USP42: variants seen among roughly 807,000 people sequenced by gnomAD.
The protein encoded by USP42 is ubiquitin carboxyl-terminal hydrolase 42.
Under a neutral mutation model 113.0 loss-of-function variants are expected in USP42, and 23 were observed. The ratio of observed to expected loss-of-function variants is 0.20; its 90% CI spans 0.15 to 0.29. USP42 has a LOEUF of 0.29. USP42 is among the 10% of genes least tolerant of loss of function. USP42 has a pLI of 1.00. For missense variants in USP42, 2,174 were observed against 1,779.8 expected, an observed-to-expected ratio of 1.22 and a Z score of -3.99; for synonymous variants, 933 against 699.0, an observed-to-expected ratio of 1.33 and a Z score of -5.28.
In USP42 at chr7:6,157,379, G is replaced by A. The variant is rs1562862611; in HGVS notation, c.3943+324G>A. ...GGACCAGAACTCTTGGTTTGGTTTG[G>A]TTTTATTTTATTTTATTTTATTTAT... On this transcript the variant is annotated intron_variant, in intron 16 of 17. Transcript: ENST00000306177. This position sits in a 1 kb window ranked among gnomAD's most constrained non-coding sequence, Gnocchi z 4.1. 2 of 1,023,794 alleles carry A rather than the reference G, an allele frequency of 2.0e-6. No individual in the cohort carries two copies. The highest frequency in any genetic ancestry group is 1.7e-5 in the African/African-American group (1 of 58,784). 63.4% of individuals were successfully genotyped at this position (1,023,794 alleles called of 1,614,324 possible).
upstream of USP42, among the ~76,000 whole-genome samples, chr7:6,103,752 A>AAC (rs1474387660): frequency 6.7e-6 from 1 of 149,402 alleles, no homozygotes; most frequent in East Asian, 2.0e-4. Flanking sequence ...AAAAAAAAAA[A>AAC]AAACAAAACT....
At position 6,157,369 on chromosome 7, in the gene USP42, GTTTGGTTT is replaced by G. The variant is rs1782512893; in HGVS notation, c.3943+315_3943+322del. The G allele has an allele frequency of 2.9e-6, 3 of 1,039,178 alleles. No homozygotes were observed. Among genetic ancestry groups the G allele is most frequent in the Non-Finnish European group, 3.5e-6 (3 of 865,300 alleles). The allele number at this position is 1,039,178 out of a possible 1,614,324, so 64.4% of individuals were successfully genotyped here. A position where few individuals can be genotyped will look rare whatever the true frequency, so the allele number is the denominator to read the frequency against. On this transcript the variant is annotated intron_variant, in intron 16 of 17. Coordinates refer to ENST00000306177, the MANE Select transcript of USP42 (RefSeq NM_032172.3). The surrounding 1 kb of genome is among the most constrained non-coding windows in gnomAD (Gnocchi z 4.1). ...GCCTTGCAAAGGACCAGAACTCTTG[GTTTGGTTT>G]GGTTTTATTTTATTTTATTTTATTT...
Position 6,150,440 on chromosome 7 carries a change from C to T in USP42, c.2135C>T (p.Pro712Leu). Reference protein sequence around the residue: ...KLMPAPLLSLPEDKILETFRL... With the variant: ...KLMPAPLLSLLEDKILETFRL... ...ATGCCTGCTCCTTTGCTGTCTCTCC[C>T]AGAAGACAAAATCTTAGAGACCTTC... Residue 712 changes from proline to leucine, a missense_variant, in exon 14 of 18, where the codon CCA becomes CTA. Coordinates refer to ENST00000306177, the MANE Select transcript of USP42 (RefSeq NM_032172.3). 3 of 1,613,942 alleles carry T rather than the reference C, an allele frequency of 1.9e-6. No individual in the cohort carries two copies. Among genetic ancestry groups the T allele is most frequent in the Non-Finnish European group, 2.5e-6 (3 of 1,179,862 alleles).
At position 6,146,969 on chromosome 7, in the gene USP42, C is replaced by T. The variant is rs1029069808; in HGVS notation, c.1232+721C>T. Among the ~76,000 whole-genome samples the T allele has an allele frequency of 6.6e-5, 10 of 152,254 alleles. No homozygotes were observed. In the East Asian group the frequency reaches 7.7e-4, roughly 12 times the overall value. The stretch of plus-strand genomic sequence containing the variant: ...TGCCTTCCAGGCCAAGGCCAGCACC[C>T]GCACCCAGCTCTGTCCTGTTGTGGC... On this transcript the variant is annotated intron_variant, in intron 11 of 17. Transcript: ENST00000306177.
chr7:6,154,181 G>A lies in USP42; in HGVS notation c.2627G>A (p.Ser876Asn). ...PCEQPLLVHP[S>N]GDHARDAQDP... ...GAGCAGCCACTCCTTGTTCACCCCAGCGGGGACCACGCCCGGGACGCTCAG... is the reference window on the plus strand; with the variant it reads ...GAGCAGCCACTCCTTGTTCACCCCAACGGGGACCACGCCCGGGACGCTCAG... The change falls in exon 15 of 18, where the codon AGC (serine) becomes AAC (asparagine). Residue 876 changes from serine to asparagine, a missense_variant. Coordinates refer to ENST00000306177, the MANE Select transcript of USP42 (RefSeq NM_032172.3). The A allele has an allele frequency of 6.2e-7, 1 of 1,600,382 alleles. No individual in the cohort carries two copies. Among genetic ancestry groups the A allele is most frequent in the Non-Finnish European group, 8.5e-7 (1 of 1,175,668 alleles).
the USP42 span, among the ~76,000 whole-genome samples, chr7:6,097,906 T>TG: frequency 6.1e-5 from 5 of 81,412 alleles, no homozygotes; most frequent in African/African-American, 3.8e-4. Flanking sequence ...TTCTTTCTTT[T>TG]CTTTTTTTTT....
intron 2 of USP42, among the ~76,000 whole-genome samples, chr7:6,114,019 C>T (rs1307639546): frequency 1.3e-5 from 2 of 152,178 alleles, no homozygotes; most frequent in African/African-American, 4.8e-5. Context: ...TAAGTTGTTT[C>T]TTGAGCTTCA....
chr7:6,118,711 T>C (rs938228079), intron 3 of USP42, among the ~76,000 whole-genome samples: 1 of 152,156 alleles, frequency 6.6e-6, no homozygotes, highest in Non-Finnish European at 1.5e-5. Context: ...GGATGTTCGG[T>C]TGTTCTAGCA....
chr7:6,089,004 G>C, the USP42 span: 1 of 149,840 alleles, frequency 6.7e-6, no homozygotes, highest in African/African-American at 2.5e-5. Flanking sequence ...GCCAGAGCCT[G>C]CACTGGGGTT....
intron 7 of USP42, among the ~76,000 whole-genome samples, chr7:6,141,841 T>C (rs1167826306): frequency 6.6e-6 from 1 of 152,222 alleles, no homozygotes; most frequent in East Asian, 1.9e-4. Flanking sequence ...TAAAATCCTT[T>C]CCTTTTGAAT....
upstream of USP42, among the ~76,000 whole-genome samples, chr7:6,102,836 G>T (rs921413360): frequency 6.6e-6 from 1 of 151,148 alleles, no homozygotes; most frequent in African/African-American, 2.5e-5. Context: ...CTCAGAGTGG[G>T]GGAGTCAAGT....
In USP42 at chr7:6,154,697, A is replaced by T. The variant is rs767366238; in HGVS notation, c.3143A>T (p.Lys1048Met). 1.4e-5 allele frequency: 23 copies of T among 1,602,682 alleles called. No homozygotes were observed. Among genetic ancestry groups the T allele is most frequent in the Admixed American group, 3.4e-5 (2 of 59,090 alleles). The change falls in exon 15 of 18, where the codon AAG becomes ATG. Residue 1048 changes from lysine (K) to methionine (M), a missense_variant. By Grantham distance (95) the Lys-to-Met change is moderately conservative. Coordinates refer to ENST00000306177, the MANE Select transcript of USP42 (RefSeq NM_032172.3). ...GGCGAGCGTGGCTGGGGCCGGGAGA[A>T]GTTCTACCCCGACAGGCCGCGCTGG... ...TEGERGWGRE[K>M]FYPDRPRWDR...
chr7:6,157,131 G>A lies in USP42; in HGVS notation c.3943+76G>A, dbSNP rs537430796. On this transcript the variant is annotated intron_variant, in intron 16 of 17. Transcript: ENST00000306177. The surrounding 1 kb of genome is among the most constrained non-coding windows in gnomAD (Gnocchi z 4.1). ...TTTTCTTTGCAAAGGTGATTAACAT[G>A]TAGAAAGAAAACCTCAGGTGGCATC... The A allele has an allele frequency of 8.1e-5, 118 of 1,454,644 alleles. No homozygotes were observed. Among genetic ancestry groups the A allele is most frequent in the Admixed American group, 4.7e-4 (17 of 36,300 alleles). The allele number at this position is 1,454,644 out of a possible 1,614,324, so 90.1% of individuals were successfully genotyped here. A position where few individuals can be genotyped will look rare whatever the true frequency, so the allele number is the denominator to read the frequency against.
In USP42 at chr7:6,156,883, C is replaced by T; in HGVS notation, c.3771C>T (p.His1257=). 6.2e-7 allele frequency: 1 copy of T among 1,613,420 alleles called. No homozygotes were observed. The highest frequency in any genetic ancestry group is 8.5e-7 in the Non-Finnish European group (1 of 1,179,744). The change falls in exon 16 of 18, where the codon CAC becomes CAT. Residue 1257 remains histidine, a synonymous_variant. Coordinates refer to ENST00000306177, the MANE Select transcript of USP42 (RefSeq NM_032172.3). ...SEDFVKDSEL[H]LPRVTSLETV... is the part of the protein sequence containing the mutation. Reference sequence around the variant, plus strand: ...ACTTTGTTAAAGATTCAGAACTGCACTTACCCAGGGTCACCAGCTTGGAGA... The same window carrying T: ...ACTTTGTTAAAGATTCAGAACTGCATTTACCCAGGGTCACCAGCTTGGAGA...
chr7:6,090,570 T>G, the USP42 span, among the ~76,000 whole-genome samples: 2 of 143,554 alleles, frequency 1.4e-5, no homozygotes, highest in African/African-American at 2.6e-5. Flanking sequence ...CAAAAATTAG[T>G]TGGGCACGGT....
chr7:6,150,326 G>T (rs748287854), intron 13 of USP42, 24 bp downstream of exon 13: 1 of 1,611,576 alleles, frequency 6.2e-7, no homozygotes, highest in Non-Finnish European at 8.5e-7. Flanking sequence ...AGGGTCTTCA[G>T]CCTCGTTTGT....
At chr7:6,092,035 C>CTTCTTCTTCTTCTT in the USP42 span, among the ~76,000 whole-genome samples, 5 of 98,304 alleles carry the variant, frequency 5.1e-5, no homozygotes, top group African/African-American at 2.0e-4. Flanking sequence ...TCTTCTTCTT[C>CTTCTTCTTCTTCTT]TTCTTCTTCT....
chr7:6,134,093 G>A (rs1404138806), intron 3 of USP42, among the ~76,000 whole-genome samples: 6 of 151,880 alleles, frequency 4.0e-5, no homozygotes, highest in African/African-American at 1.2e-4. Context: ...GGGTTTCACT[G>A]TGTTAGCCAG....
At chr7:6,107,142 C>T (rs1210835889) in intron 1 of USP42, among the ~76,000 whole-genome samples, 1 of 152,112 alleles carries the variant, frequency 6.6e-6, no homozygotes. Context: ...GTTGGTTTTT[C>T]CACAGTTACA....
Sources: allele counts gnomAD v4.1 joint callset (sites outside exome capture counted in the v4.1 genomes callset), GRCh38; gene constraint gnomAD v4.1.1; non-coding constraint Gnocchi (gnomAD v3.1); transcripts MANE v1.5; gene names NCBI Gene and HGNC (gene_info 2026-07-23, HGNC 2026-07-21).